MED26: variants seen among roughly 807,000 people sequenced by gnomAD.
The protein encoded by MED26 is mediator complex subunit 26.
Under a neutral mutation model 43.7 loss-of-function variants are expected in MED26, and 7 were observed. The ratio of observed to expected loss-of-function variants is 0.16; its 90% confidence interval spans 0.09 to 0.30. The LOEUF is 0.30. MED26 is among the 10% of genes least tolerant of loss of function. MED26 has a pLI of 1.00. For synonymous variants in MED26, 375 were observed against 371.1 expected, an observed-to-expected ratio of 1.01 and a Z score of -0.12; for missense variants, 784 against 840.6, an observed-to-expected ratio of 0.93 and a Z score of 0.83.
rs546631974 is a variant in MED26, at chr19:16,576,339, G to C, written c.1491C>G (p.Leu497=). 2 of 1,613,976 alleles carry C rather than the reference G, an allele frequency of 1.2e-6. No homozygotes were observed. Among genetic ancestry groups the C allele is most frequent in the South Asian group, 1.1e-5 (1 of 91,078 alleles). The change falls in exon 3 of 3, where the codon CTC becomes CTG. Residue 497 remains leucine, a synonymous_variant. Transcript: ENST00000263390. The surrounding 1 kb of genome is among the most constrained non-coding windows in gnomAD (Gnocchi z 6.8). The stretch of plus-strand genomic sequence containing the variant: ...CTGGGGTCTGCGCGCCCGATGATGA[G>C]AGCAGGCTGCTCTGCCGGCTCAGGT... ...QSYLSRQSSL[L]SSSGAQTPGA... is the part of the protein sequence containing the mutation.
chr19:16,624,101 C>T (rs904176255), intron 1 of MED26, among the ~76,000 whole-genome samples: 2 of 150,782 alleles, frequency 1.3e-5, no homozygotes, highest in Non-Finnish European at 3.0e-5. Context: ...ATGTACCTTG[C>T]AAAGATATAT....
At chr19:16,612,772 A>G (rs7246513) in intron 1 of MED26, among the ~76,000 whole-genome samples, 23,474 of 152,136 alleles carry the variant, frequency 0.15, 2,734 homozygotes, top group African/African-American at 0.33. Context: ...CACCTCTTCC[A>G]AGGAAGAGGC....
rs939796509 is a variant in MED26 at position 16,576,120 on chromosome 19, C to T, written c.1710G>A (p.Gln570=). The T allele has an allele frequency of 6.2e-7, 1 of 1,613,890 alleles. No homozygotes were observed. Among genetic ancestry groups the T allele is most frequent in the African/African-American group, 1.3e-5 (1 of 74,932 alleles). ...WPGVNGCQDT[Q]GNWYDWTQCI... ...ACTGCGTCCAGTCATACCAGTTACC[C>T]TGTGTGTCCTGACACCCGTTCACCC... is the stretch of plus-strand genomic sequence containing the variant. Residue 570 remains glutamine (Q), a synonymous_variant, in exon 3 of 3, where the codon CAG becomes CAA. Transcript: ENST00000263390. This position sits in a 1 kb window ranked among gnomAD's most constrained non-coding sequence, Gnocchi z 6.8.
At chr19:16,607,677 C>T (rs1005614750) in intron 1 of MED26, among the ~76,000 whole-genome samples, 1 of 152,200 alleles carries the variant, frequency 6.6e-6, no homozygotes, top group African/African-American at 2.4e-5. Context: ...CCATGGCCCT[C>T]GGGCCACATG....
intron 1 of MED26, among the ~76,000 whole-genome samples, chr19:16,618,964 G>A (rs918021393): frequency 3.3e-5 from 5 of 152,186 alleles, no homozygotes; most frequent in African/African-American, 1.2e-4. Flanking sequence ...GCAAAAGAGG[G>A]AGACAGAAAA....
intron 1 of MED26, among the ~76,000 whole-genome samples, chr19:16,619,015 C>A (rs188087867): frequency 1.2e-3 from 182 of 152,204 alleles, no homozygotes; most frequent in African/African-American, 4.2e-3. Context: ...TTTGGGCCTG[C>A]ATGACCATCA....
rs149562902 is a variant in MED26 at position 16,621,240 on chromosome 19, C to T, written c.72+6632G>A. Among the ~76,000 whole-genome samples, 1,051 of 152,280 alleles carry T rather than the reference C, an allele frequency of 6.9e-3. 14 individuals carry two copies. Among genetic ancestry groups the T allele is most frequent in the African/African-American group, 0.023 (960 of 41,538 alleles). On this transcript the variant is annotated intron_variant, in intron 1 of 2. Transcript: ENST00000263390. ...CCCTTGTCTGCAATACCAGACAAAT[C>T]GGTGAATCTCTCCTAGCCCCTAAAA...
Position 16,583,681 on chromosome 19 carries a change from G to C in MED26, c.73-5272C>G, listed in dbSNP as rs1318303565. On this transcript the variant is annotated intron_variant, in intron 1 of 2. Transcript: ENST00000263390. Reference sequence around the variant, plus strand: ...CAGGTGTGGCACAGGTATACATGCAGGTCCAGCCCAGCCGCCTGGTACATG... The same window carrying C: ...CAGGTGTGGCACAGGTATACATGCACGTCCAGCCCAGCCGCCTGGTACATG... Among the ~76,000 whole-genome samples, 4 of 152,170 alleles carry C rather than the reference G, an allele frequency of 2.6e-5. No homozygotes were observed. The East Asian group carries it at 7.7e-4, about 29-fold the overall frequency.
At chr19:16,613,895 G>C (rs2086211000) in intron 1 of MED26, among the ~76,000 whole-genome samples, 1 of 152,122 alleles carries the variant, frequency 6.6e-6, no homozygotes, top group Admixed American at 6.5e-5. Context: ...CATGCCCTGG[G>C]CTTGGTGACA....
Position 16,628,197 on chromosome 19 carries a change from A to C in MED26, c.-254T>G. The C allele has an allele frequency of 2.9e-6, 1 of 342,086 alleles. No individual in the cohort carries two copies. The highest frequency in any genetic ancestry group is 1.3e-4 in the South Asian group (1 of 7,584). 21.2% of individuals were successfully genotyped at this position (342,086 alleles called of 1,614,324 possible). The stretch of plus-strand genomic sequence containing the variant: ...TCGCTGCCGCCGCCTCGAGAACCAA[A>C]CTCCAGTGAGCTGCCCCCGCGCGGA... On this transcript the variant is annotated 5_prime_UTR_variant, in exon 1 of 3. Transcript: ENST00000263390.
Position 16,577,438 on chromosome 19 carries a change from T to C in MED26, c.392A>G (p.Asn131Ser), listed in dbSNP as rs200430258. ...PRSIHDLKSR[N>S]DLQRLPGQRL... ...CTGCCCGGGCAGCCTCTGGAGGTCATTGCGGCTCTTCAGGTCATGGATGCT... is the reference window on the plus strand; with the variant it reads ...CTGCCCGGGCAGCCTCTGGAGGTCACTGCGGCTCTTCAGGTCATGGATGCT... The change falls in exon 3 of 3, where the codon AAT becomes AGT. Residue 131 changes from asparagine (N) to serine (S), a missense_variant. Transcript: ENST00000263390. This position sits in a 1 kb window ranked among gnomAD's most constrained non-coding sequence, Gnocchi z 8.1. 359 of 1,595,352 alleles carry C rather than the reference T, an allele frequency of 2.3e-4. No homozygotes were observed. The highest frequency in any genetic ancestry group is 3.0e-4 in the Non-Finnish European group (353 of 1,168,200).
chr19:16,627,823 G>GT, intron 1 of MED26, 49 bp downstream of exon 1: 1 of 1,396,396 alleles, frequency 7.2e-7, no homozygotes, highest in Non-Finnish European at 9.6e-7. Flanking sequence ...GAGGGGGAGG[G>GT]TCCCGGGCCC....
intron 1 of MED26, among the ~76,000 whole-genome samples, chr19:16,591,585 C>A (rs892635359): frequency 6.6e-6 from 1 of 152,192 alleles, no homozygotes; most frequent in Non-Finnish European, 1.5e-5. Context: ...TACACACACA[C>A]CCCCTTGTAT....
intron 1 of MED26, among the ~76,000 whole-genome samples, chr19:16,615,682 G>A (rs1206448470): frequency 6.6e-6 from 1 of 151,860 alleles, no homozygotes; most frequent in Non-Finnish European, 1.5e-5. Flanking sequence ...GGAGGCAGAG[G>A]TTGCAATGAA....
chr19:16,584,586 T>G (rs2086062449), intron 1 of MED26, among the ~76,000 whole-genome samples: 1 of 152,190 alleles, frequency 6.6e-6, no homozygotes, highest in Admixed American at 6.5e-5. Flanking sequence ...CTGGGAGCAG[T>G]GGGGAACCCT....
intron 1 of MED26, among the ~76,000 whole-genome samples, chr19:16,619,760 C>T (rs1387433335): frequency 6.6e-6 from 1 of 152,164 alleles, no homozygotes; most frequent in Non-Finnish European, 1.5e-5. Flanking sequence ...CAGCCAACGC[C>T]CTATAAAACC....
intron 1 of MED26, among the ~76,000 whole-genome samples, chr19:16,613,068 T>C: frequency 6.6e-6 from 1 of 152,188 alleles, no homozygotes; most frequent in Admixed American, 6.5e-5. Context: ...AGGCACTGTT[T>C]ACCTTTAGTA....
intron 1 of MED26, among the ~76,000 whole-genome samples, chr19:16,597,217 G>A (rs893069164): frequency 6.6e-6 from 1 of 152,122 alleles, no homozygotes; most frequent in Non-Finnish European, 1.5e-5. Flanking sequence ...TCAATCCCAC[G>A]TCCCTGTGCC....
intron 1 of MED26, among the ~76,000 whole-genome samples, chr19:16,595,093 G>A (rs937066229): frequency 4.6e-5 from 7 of 152,130 alleles, no homozygotes; most frequent in African/African-American, 7.2e-5. Context: ...CCCTCACTGC[G>A]GATTCACACT....
Sources: allele counts gnomAD v4.1 joint callset (sites outside exome capture counted in the v4.1 genomes callset), GRCh38; gene constraint gnomAD v4.1.1; non-coding constraint Gnocchi (gnomAD v3.1); transcripts MANE v1.5; gene names NCBI Gene and HGNC (gene_info 2026-07-23, HGNC 2026-07-21).